Variants in ANKS1B observed in about 807,000 individuals in gnomAD.
ANKS1B encodes the protein ankyrin repeat and sterile alpha motif domain containing 1B, also known as ankyrin repeat and sterile alpha motif domain-containing protein 1B.
Under a neutral mutation model 148.3 loss-of-function variants are expected in ANKS1B, and 36 were observed. The observed-to-expected ratio is 0.24, with a 90% confidence interval of 0.19 to 0.32. The LOEUF (loss-of-function observed/expected upper bound fraction) is 0.32. Among genes scored for constraint, ANKS1B ranks in the 10% least tolerant of loss-of-function variants. The pLI, the probability that ANKS1B is intolerant of heterozygous loss-of-function variation, is 1.00. For synonymous variants in ANKS1B, 542 were observed against 560.8 expected, an observed-to-expected ratio of 0.97 and a Z score of 0.47; for missense variants, 1,157 against 1,542.6, an observed-to-expected ratio of 0.75 and a Z score of 4.19.
chr12:99,386,984 C>A (rs2152532598), intron 12 of ANKS1B, among the ~76,000 whole-genome samples: 1 of 152,240 alleles, frequency 6.6e-6, no homozygotes, highest in African/African-American at 2.4e-5. Context: ...TTATTGAGCA[C>A]CTATTATAAG....
chr12:98,946,742 C>A (rs2099846025), intron 17 of ANKS1B, among the ~76,000 whole-genome samples: 1 of 151,176 alleles, frequency 6.6e-6, no homozygotes, highest in Non-Finnish European at 1.5e-5. Flanking sequence ...TCAAGACCAG[C>A]CTGGGAAACA....
At chr12:99,207,888 G>A (rs2082876453) in intron 14 of ANKS1B, among the ~76,000 whole-genome samples, 1 of 152,032 alleles carries the variant, frequency 6.6e-6, no homozygotes, top group South Asian at 2.1e-4. Context: ...TAGACAGTTT[G>A]TTGAAGATGA....
chr12:99,183,086 C>T (rs1286051762), intron 14 of ANKS1B, among the ~76,000 whole-genome samples: 8 of 152,104 alleles, frequency 5.3e-5, no homozygotes, highest in African/African-American at 9.7e-5. Flanking sequence ...GGAGGGTTTG[C>T]AAATATTTTC....
In ANKS1B at chr12:98,955,620, G is replaced by A. The variant is rs114977363; in HGVS notation, c.2778+97537C>T. ...GGCAGTTACATTCTGCATATATTCC[G>A]AGAGTACAGCCAACAGGATTTGCTG... On this transcript the variant is annotated intron_variant, in intron 17 of 26. Coordinates refer to ENST00000683438, the MANE Select transcript of ANKS1B (RefSeq NM_001352186.2). Among the ~76,000 whole-genome samples, 663 of 152,248 alleles carry A rather than the reference G, an allele frequency of 4.4e-3. 5 individuals are homozygous for A. The highest frequency in any genetic ancestry group is 0.015 in the African/African-American group (612 of 41,550).
intron 9 of ANKS1B, among the ~76,000 whole-genome samples, chr12:99,571,654 G>A (rs1015923915): frequency 1.3e-5 from 2 of 152,020 alleles, no homozygotes; most frequent in African/African-American, 4.8e-5. Flanking sequence ...AGAACATTGG[G>A]GAATACTATT....
intron 17 of ANKS1B, among the ~76,000 whole-genome samples, chr12:99,010,778 G>C (rs1224601397): frequency 6.7e-6 from 1 of 149,984 alleles, no homozygotes; most frequent in Non-Finnish European, 1.5e-5. Context: ...TTGAGACAGG[G>C]TCTCACTCTG....
chr12:99,629,931 T>C (rs939327313), intron 9 of ANKS1B, among the ~76,000 whole-genome samples: 6 of 152,168 alleles, frequency 3.9e-5, no homozygotes, highest in African/African-American at 1.4e-4. Context: ...CCTTGTAAGT[T>C]GCAAAACTAA....
At chr12:99,537,313 T>G (rs1304820164) in intron 9 of ANKS1B, among the ~76,000 whole-genome samples, 2 of 152,088 alleles carry the variant, frequency 1.3e-5, no homozygotes, top group African/African-American at 4.8e-5. Flanking sequence ...GTAGTTCTAT[T>G]TTTAGTTTTT....
At chr12:99,604,403 TG>T (rs1363664902) in intron 9 of ANKS1B, among the ~76,000 whole-genome samples, 28 of 152,114 alleles carry the variant, frequency 1.8e-4, no homozygotes, top group African/African-American at 6.8e-4. Context: ...AAAGTTAATT[TG>T]GGTCAAAAAG....
chr12:98,794,786 C>G, intron 22 of ANKS1B: 2 of 1,416,962 alleles, frequency 1.4e-6, no homozygotes, highest in Non-Finnish European at 2.0e-6. Context: ...AGAGATCAAA[C>G]AGAAACACGA....
intron 17 of ANKS1B, among the ~76,000 whole-genome samples, chr12:99,039,223 G>A (rs900895645): frequency 3.3e-5 from 5 of 152,160 alleles, no homozygotes; most frequent in Admixed American, 6.5e-5. Flanking sequence ...GCATTTTACC[G>A]GACATGCCAA....
At chr12:99,774,368 G>C (rs1033762421) in intron 7 of ANKS1B, among the ~76,000 whole-genome samples, 2 of 152,002 alleles carry the variant, frequency 1.3e-5, no homozygotes, top group African/African-American at 4.8e-5. Flanking sequence ...AATGACCCAA[G>C]GTATATGAAA....
At chr12:99,424,494 C>G (rs573154109) in intron 11 of ANKS1B, among the ~76,000 whole-genome samples, 35 of 148,972 alleles carry the variant, frequency 2.3e-4, no homozygotes, top group Admixed American at 7.9e-4. Flanking sequence ...CAAACCTGTG[C>G]TTAGCTAGGC....
chr12:98,770,120 A>G (rs1407758797), intron 25 of ANKS1B, among the ~76,000 whole-genome samples: 1 of 152,176 alleles, frequency 6.6e-6, no homozygotes, highest in African/African-American at 2.4e-5. Context: ...TTATTTATGA[A>G]GCACTCTACA....
At chr12:99,454,258 A>G (rs1454948560) in intron 10 of ANKS1B, among the ~76,000 whole-genome samples, 1 of 152,230 alleles carries the variant, frequency 6.6e-6, no homozygotes, top group Non-Finnish European at 1.5e-5. Context: ...AAAAAAAGTC[A>G]GCCACATTGC....
chr12:99,595,030 T>C (rs887571251), intron 9 of ANKS1B, among the ~76,000 whole-genome samples: 5 of 152,012 alleles, frequency 3.3e-5, no homozygotes, highest in African/African-American at 4.8e-5. Flanking sequence ...TAAAGCAATA[T>C]GTTATTCCTG....
At chr12:98,736,798 G>A (rs1267576154) in intron 9 of ANKS1B, among the ~76,000 whole-genome samples, 2 of 152,206 alleles carry the variant, frequency 1.3e-5, no homozygotes, top group Non-Finnish European at 2.9e-5. Context: ...CAGCAGGCAT[G>A]GGCCCCTTAA....
At chr12:99,708,940 A>G (rs1030973239) in intron 8 of ANKS1B, among the ~76,000 whole-genome samples, 5 of 152,156 alleles carry the variant, frequency 3.3e-5, no homozygotes, top group Admixed American at 2.0e-4. Flanking sequence ...TTTATTACTC[A>G]TATACAAAGC....
At chr12:99,027,451 G>A (rs1477495722) in intron 17 of ANKS1B, among the ~76,000 whole-genome samples, 1 of 152,142 alleles carries the variant, frequency 6.6e-6, no homozygotes, top group Non-Finnish European at 1.5e-5. Context: ...TAGATATCAG[G>A]TACCCAAACT....
Sources: gnomAD v4.1 joint callset for allele counts (sites outside exome capture counted in the v4.1 genomes callset) on GRCh38, gnomAD v4.1.1 for gene constraint, MANE v1.5 for transcripts, NCBI Gene and HGNC (gene_info 2026-07-23, HGNC 2026-07-21) for gene names.